NRG3: variants seen among roughly 807,000 people sequenced by gnomAD.
NRG3 encodes pro-neuregulin-3, membrane-bound isoform.
In NRG3, 31 loss-of-function variants were observed where a neutral mutation model predicts 66.9. The observed-to-expected ratio is 0.46, with a 90% CI of 0.35 to 0.63. The LOEUF is 0.63. Among genes scored for constraint, NRG3 ranks in the 20% least tolerant of loss-of-function variants. The pLI, the probability that NRG3 is intolerant of heterozygous loss-of-function variation, is 0.00. For synonymous variants in NRG3, 393 were observed against 359.4 expected (o/e 1.09, Z -1.06); for missense variants, 910 against 878.9 (o/e 1.04, Z -0.45).
chr10:82,960,728 C>G (rs1255308915), intron 6 of NRG3, among the ~76,000 whole-genome samples: 2 of 152,104 alleles, frequency 1.3e-5, no homozygotes, highest in African/African-American at 4.8e-5. Context: ...CTTGCCTTAA[C>G]TGGTGACATT....
At chr10:81,921,903 C>A (rs1040672) in intron 1 of NRG3, among the ~76,000 whole-genome samples, 70,556 of 151,504 alleles carry the variant, frequency 0.47, 20,522 homozygotes, top group East Asian at 0.81. Context: ...ATTTTTTATC[C>A]TATAGCAACA....
intron 4 of NRG3, among the ~76,000 whole-genome samples, chr10:82,885,534 G>C (rs550780039): frequency 9.2e-5 from 14 of 152,250 alleles, no homozygotes; most frequent in African/African-American, 3.4e-4. Flanking sequence ...TAAAGCTTCT[G>C]GTTATGTAAA....
At chr10:82,041,492 C>T (rs1324974881) in intron 1 of NRG3, among the ~76,000 whole-genome samples, 1 of 151,912 alleles carries the variant, frequency 6.6e-6, no homozygotes, top group Non-Finnish European at 1.5e-5. Context: ...ATCTCTAAAC[C>T]TAATTGCTTG....
chr10:82,425,185 C>T (rs1484747991), intron 2 of NRG3, among the ~76,000 whole-genome samples: 1 of 152,022 alleles, frequency 6.6e-6, no homozygotes, highest in African/African-American at 2.4e-5. Flanking sequence ...AAAAGGCCAG[C>T]TGGGGTTACA....
intron 1 of NRG3, among the ~76,000 whole-genome samples, chr10:82,131,976 GC>G (rs2068856538): frequency 1.3e-5 from 2 of 152,054 alleles, no homozygotes; most frequent in South Asian, 4.1e-4. Flanking sequence ...TATATCATCT[GC>G]AAGCAAGGAT....
intron 1 of NRG3, among the ~76,000 whole-genome samples, chr10:81,967,706 A>G (rs573054525): frequency 2.4e-4 from 36 of 152,238 alleles, no homozygotes; most frequent in African/African-American, 8.7e-4. Flanking sequence ...TTTTAGTTCC[A>G]TAAAAGTTAA....
intron 3 of NRG3, among the ~76,000 whole-genome samples, chr10:82,847,162 C>T (rs1024928215): frequency 3.9e-5 from 6 of 152,182 alleles, no homozygotes; most frequent in Middle Eastern, 3.2e-3. Context: ...AAAGAGGGCA[C>T]CCAGCAAATG....
At chr10:82,839,536 T>G (rs573690622) in intron 3 of NRG3, among the ~76,000 whole-genome samples, 1 of 151,728 alleles carries the variant, frequency 6.6e-6, no homozygotes, top group South Asian at 2.1e-4. Context: ...ATTTATTTTC[T>G]TTTATATTTT....
intron 1 of NRG3, among the ~76,000 whole-genome samples, chr10:82,125,427 G>T (rs913706404): frequency 2.0e-5 from 3 of 151,934 alleles, no homozygotes; most frequent in Admixed American, 6.6e-5. Context: ...ATTCTAAGTG[G>T]ATGTCATTTA....
chr10:82,525,107 G>T (rs1399218648), intron 2 of NRG3, among the ~76,000 whole-genome samples: 1 of 151,850 alleles, frequency 6.6e-6, no homozygotes. Flanking sequence ...AGCTTATCTC[G>T]ATCAATAACA....
chr10:82,095,514 A>C (rs780403244), intron 1 of NRG3, among the ~76,000 whole-genome samples: 1 of 152,208 alleles, frequency 6.6e-6, no homozygotes, highest in Non-Finnish European at 1.5e-5. Flanking sequence ...AACAGAGACA[A>C]GGTTGAGGCA....
At chr10:82,144,285 C>T (rs980613419) in intron 1 of NRG3, among the ~76,000 whole-genome samples, 1 of 152,094 alleles carries the variant, frequency 6.6e-6, no homozygotes, top group Non-Finnish European at 1.5e-5. Context: ...CATGTTTCTC[C>T]CTGGGACCAC....
chr10:82,736,348 AT>A (rs1481259714), intron 2 of NRG3, among the ~76,000 whole-genome samples: 1 of 152,188 alleles, frequency 6.6e-6, no homozygotes, highest in East Asian at 1.9e-4. Context: ...CCATCTTCAC[AT>A]TTGGATGAGT....
chr10:82,014,558 C>T (rs144482529), intron 1 of NRG3, among the ~76,000 whole-genome samples: 1 of 152,254 alleles, frequency 6.6e-6, no homozygotes, highest in East Asian at 1.9e-4. Flanking sequence ...CATATAAGCC[C>T]TATGGATCAC....
At chr10:82,059,160 A>G (rs966890228) in intron 1 of NRG3, among the ~76,000 whole-genome samples, 6 of 152,212 alleles carry the variant, frequency 3.9e-5, no homozygotes, top group Non-Finnish European at 7.3e-5. Flanking sequence ...ATTGAGAGCA[A>G]TGAGATGCAT....
chr10:82,873,704 A>G (rs1274149797), intron 4 of NRG3, among the ~76,000 whole-genome samples: 1 of 152,202 alleles, frequency 6.6e-6, no homozygotes, highest in East Asian at 1.9e-4. Flanking sequence ...ATATGAAAGC[A>G]GGTGCAATGC....
At chr10:82,285,221 C>G (rs549310719) in intron 1 of NRG3, among the ~76,000 whole-genome samples, 2 of 152,282 alleles carry the variant, frequency 1.3e-5, no homozygotes, top group East Asian at 3.9e-4. Context: ...AAGACAGAAG[C>G]TTATATTCAC....
At chr10:82,844,740 GTGTT>G (rs1333366706) in intron 3 of NRG3, among the ~76,000 whole-genome samples, 1 of 150,204 alleles carries the variant, frequency 6.7e-6, no homozygotes, top group Non-Finnish European at 1.5e-5. Flanking sequence ...GATGAAGACA[GTGTT>G]TGCAAAATAA....
At chr10:82,475,145 A>G (rs1016761825) in intron 2 of NRG3, among the ~76,000 whole-genome samples, 1 of 152,012 alleles carries the variant, frequency 6.6e-6, no homozygotes, top group African/African-American at 2.4e-5. Context: ...AAGAATAGAA[A>G]AAATATATAT....
Sources: allele counts gnomAD v4.1 joint callset (sites outside exome capture counted in the v4.1 genomes callset), GRCh38; gene constraint gnomAD v4.1.1; transcripts MANE v1.5; gene names NCBI Gene and HGNC (gene_info 2026-07-23, HGNC 2026-07-21).